ENTPD5: variants seen among roughly 807,000 people sequenced by gnomAD.
ENTPD5 encodes the protein ectonucleoside triphosphate diphosphohydrolase 5 (inactive), also known as nucleoside diphosphate phosphatase ENTPD5.
A neutral mutation model predicts 60.2 loss-of-function variants in ENTPD5; 49 were observed. The ratio of observed to expected loss-of-function variants is 0.81; its 90% CI spans 0.65 to 1.03. The LOEUF (loss-of-function observed/expected upper bound fraction) is 1.03. ENTPD5 is among the 50% of genes least tolerant of loss of function. ENTPD5 has a pLI of 0.00. For missense variants in ENTPD5, 480 were observed against 507.6 expected (o/e 0.95, Z 0.52); for synonymous variants, 187 against 185.4 (o/e 1.01, Z -0.07).
At chr14:73,962,863 TA>T (rs1458730423), downstream of ENTPD5, 1 of 978,914 alleles carries the variant, frequency 1.0e-6, no homozygotes, top group African/African-American at 1.6e-5. Flanking sequence ...TTAGCTGAAA[TA>T]AAACAAGGAC....
At chr14:73,959,494 A>G (rs1413733436), downstream of ENTPD5, 2 of 1,614,086 alleles carry the variant, frequency 1.2e-6, no homozygotes, top group South Asian at 2.2e-5. Flanking sequence ...GATGAGGAAA[A>G]ATTTGTGGAT....
chr14:73,961,016 CT>C, downstream of ENTPD5: 2 of 848,600 alleles, frequency 2.4e-6, no homozygotes, highest in Admixed American at 2.0e-5. Context: ...TGAGAAGTTG[CT>C]TTGCACTTGA....
intron 12 of ENTPD5, 134 bp from the exon 13 acceptor site, chr14:73,973,158 G>C (rs1355080917): frequency 3.8e-6 from 4 of 1,045,082 alleles, no homozygotes; most frequent in Non-Finnish European, 5.6e-6. Context: ...TGAGGCTTGG[G>C]ACAAGAGGCG....
At chr14:73,959,190 G>C, downstream of ENTPD5, 1 of 1,614,244 alleles carries the variant, frequency 6.2e-7, no homozygotes, top group Non-Finnish European at 8.5e-7. Flanking sequence ...GCCTGGCAGA[G>C]ATTTCTTCCC....
downstream of ENTPD5, chr14:73,961,931 T>C: frequency 2.5e-6 from 4 of 1,613,134 alleles, no homozygotes; most frequent in Non-Finnish European, 3.4e-6. Flanking sequence ...GGAATGACTT[T>C]GCAAACAGCT....
chr14:73,976,852 C>G (rs1393169521), intron 8 of ENTPD5, among the ~76,000 whole-genome samples, 172 bp downstream of exon 8: 2 of 152,126 alleles, frequency 1.3e-5, no homozygotes, highest in African/African-American at 4.8e-5. Context: ...GTGATCTGCC[C>G]AACTCAGCCT....
chr14:74,010,793 A>G (rs1035072546), intron 3 of ENTPD5, among the ~76,000 whole-genome samples: 3 of 152,072 alleles, frequency 2.0e-5, no homozygotes, highest in Non-Finnish European at 4.4e-5. Context: ...ATATATTTTC[A>G]CTGATCAGTA....
intron 3 of ENTPD5, among the ~76,000 whole-genome samples, chr14:74,002,614 C>T (rs1435807531): frequency 6.6e-6 from 1 of 152,120 alleles, no homozygotes; most frequent in African/African-American, 2.4e-5. Context: ...GAATACATTT[C>T]CAGAATCCGA....
chr14:73,962,893 C>A, downstream of ENTPD5: 2 of 1,215,544 alleles, frequency 1.6e-6, no homozygotes, highest in Non-Finnish European at 2.4e-6. Context: ...AGAATACCTA[C>A]GTGATTATTA....
At chr14:73,988,261 G>T in intron 3 of ENTPD5, 89 bp from the exon 4 acceptor site, 2 of 1,252,686 alleles carry the variant, frequency 1.6e-6, no homozygotes, top group Non-Finnish European at 2.1e-6. Flanking sequence ...GGCCCAAGGT[G>T]TTCCTTCCCT....
rs2057137288 is a variant in ENTPD5 at position 73,969,701 on chromosome 14, T to C, written c.1200+309A>G. On this transcript the variant is annotated intron_variant, in intron 15 of 15. Transcript: ENST00000334696. Reference sequence around the variant, plus strand: ...CCCAGGAAACAAGAGCGAGACTCCATCTCAAAAAAATAATAATAAATAAAT... The same window carrying C: ...CCCAGGAAACAAGAGCGAGACTCCACCTCAAAAAAATAATAATAAATAAAT... Among the ~76,000 whole-genome samples the C allele has an allele frequency of 2.2e-5, 3 of 135,600 alleles. No homozygotes were observed. The East Asian group carries it at 6.0e-4, about 27-fold the overall frequency. 89.0% of individuals were successfully genotyped at this position (135,600 alleles called of 152,430 possible). A position where few individuals can be genotyped will look rare whatever the true frequency, so the allele number is the denominator to read the frequency against.
intron 1 of ENTPD5, among the ~76,000 whole-genome samples, chr14:74,018,182 A>C (rs1376572195): frequency 6.6e-6 from 1 of 151,760 alleles, no homozygotes; most frequent in Non-Finnish European, 1.5e-5. Flanking sequence ...TCTCTCAGAA[A>C]AAAAAAAAAA....
chr14:73,961,296 G>A (rs1338883519), downstream of ENTPD5: 5 of 1,614,198 alleles, frequency 3.1e-6, no homozygotes, highest in Non-Finnish European at 4.2e-6. Flanking sequence ...AGCCAGGGTG[G>A]ATGCCAAAAG....
chr14:74,010,342 G>A (rs1227382724), intron 3 of ENTPD5, among the ~76,000 whole-genome samples: 1 of 152,174 alleles, frequency 6.6e-6, no homozygotes, highest in Non-Finnish European at 1.5e-5. Flanking sequence ...ATCACCTGAG[G>A]TCGGGAGTTT....
chr14:73,971,346 TG>T (rs2057216864), intron 14 of ENTPD5, among the ~76,000 whole-genome samples: 2 of 151,982 alleles, frequency 1.3e-5, no homozygotes, highest in African/African-American at 4.8e-5. Flanking sequence ...TTAGTAGAGA[TG>T]GGGTTTCACC....
chr14:73,984,389 T>A (rs1417163352), intron 5 of ENTPD5, among the ~76,000 whole-genome samples: 1 of 152,210 alleles, frequency 6.6e-6, no homozygotes, highest in Admixed American at 6.6e-5. Context: ...GCATGAGGCA[T>A]AGTGCATGTG....
chr14:74,001,244 T>C (rs2058496048), intron 3 of ENTPD5, among the ~76,000 whole-genome samples: 1 of 152,226 alleles, frequency 6.6e-6, no homozygotes, highest in Middle Eastern at 3.4e-3. Context: ...GGCTCATGCC[T>C]GTAATCCCAG....
At chr14:73,976,096 G>T in intron 9 of ENTPD5, 81 bp from the exon 10 acceptor site, 1 of 1,209,920 alleles carries the variant, frequency 8.3e-7, no homozygotes, top group Non-Finnish European at 1.2e-6. Context: ...GTCCCTCCCA[G>T]CAAAAAATCA....
rs2057975803 is a variant in ENTPD5 at position 73,988,025 on chromosome 14, C to T, written c.78G>A (p.Gln26=). Residue 26 remains glutamine, a synonymous_variant, in exon 4 of 16, where the codon CAG becomes CAA. Transcript: ENST00000334696. ...GGAAGATACCCTCAAACCAAGTCTG[C>T]TGGTTCCTGTGGGAGACAGCGCTGC... The part of the protein sequence containing the change: ...CVCSAVSHRN[Q]QTWFEGIFLS... 1 of 1,614,034 alleles carries T rather than the reference C, an allele frequency of 6.2e-7. No homozygotes were observed. The highest frequency in any genetic ancestry group is 8.5e-7 in the Non-Finnish European group (1 of 1,180,042).
Sources: gnomAD v4.1 joint callset for allele counts (sites outside exome capture counted in the v4.1 genomes callset) on GRCh38, gnomAD v4.1.1 for gene constraint, MANE v1.5 for transcripts, NCBI Gene and HGNC (gene_info 2026-07-23, HGNC 2026-07-21) for gene names.